The following TAF4B variants were observed in gnomAD, a reference collection of about 807,000 sequenced individuals.
TAF4B encodes the protein transcription initiation factor TFIID subunit 4B.
In TAF4B, 38 loss-of-function variants were observed where a neutral mutation model predicts 86.4. The observed-to-expected ratio is 0.44, with a 90% CI of 0.34 to 0.58. The LOEUF (loss-of-function observed/expected upper bound fraction) is 0.58, where lower values mean the gene tolerates loss of function less well. Among genes scored for constraint, TAF4B ranks in the 20% least tolerant of loss-of-function variants. The probability of loss-of-function intolerance (pLI) is 0.02; values close to 1 mark genes in which losing one functional copy is unlikely to be tolerated. For missense variants in TAF4B, 988 were observed against 1,027.6 expected (o/e 0.96, Z 0.53); for synonymous variants, 388 against 391.2 (o/e 0.99, Z 0.10).
At chr18:26,245,570 GCTGATTGGTGCATTTTACAGAGCA>G (rs1226372687) in intron 1 of TAF4B, among the ~76,000 whole-genome samples, 4 of 152,264 alleles carry the variant, frequency 2.6e-5, no homozygotes, top group East Asian at 3.9e-4. Flanking sequence ...TTAGGATCCT[GCTGATTGGTGCATTTTACAGAGCA>G]CTGATTGGTG....
At chr18:26,346,065 C>A (rs1232270157) in intron 13 of TAF4B, among the ~76,000 whole-genome samples, 1 of 152,094 alleles carries the variant, frequency 6.6e-6, no homozygotes, top group African/African-American at 2.4e-5. Context: ...AAGTTCTGGG[C>A]TCAAGCTATC....
intron 6 of TAF4B, among the ~76,000 whole-genome samples, 174 bp downstream of exon 6, chr18:26,282,234 G>A (rs2056459403): frequency 6.6e-6 from 1 of 152,028 alleles, no homozygotes; most frequent in African/African-American, 2.4e-5. Context: ...ATTTTAATTT[G>A]GACACTTTGA....
chr18:26,344,392 G>A (rs1456959681), intron 13 of TAF4B, among the ~76,000 whole-genome samples: 1 of 151,324 alleles, frequency 6.6e-6, no homozygotes, highest in East Asian at 1.9e-4. Flanking sequence ...AAAAAAACCT[G>A]TGGAGATCAG....
At position 26,369,392 on chromosome 18, in the gene TAF4B, C is replaced by T. The variant is rs58323340; in HGVS notation, c.2421+11598C>T. On this transcript the variant is annotated intron_variant, in intron 14 of 14. Transcript: ENST00000269142. ...AGTTAGAAGTTAAGACTCAGGACTG[C>T]TCCAAGAAAGTTACCTGTTTTTAAG... 1.9e-3 allele frequency among the ~76,000 whole-genome samples: 284 copies of T among 152,300 alleles called. 3 individuals carry two copies. In the East Asian group the frequency reaches 0.043, roughly 23 times the overall value.
intron 13 of TAF4B, among the ~76,000 whole-genome samples, chr18:26,345,718 C>G (rs773965721): frequency 3.9e-5 from 6 of 152,128 alleles, no homozygotes; most frequent in African/African-American, 1.4e-4. Context: ...GAAGAGGCGA[C>G]TTTTCTACCA....
At chr18:26,341,111 G>A (rs1191461199) in intron 13 of TAF4B, among the ~76,000 whole-genome samples, 1 of 151,532 alleles carries the variant, frequency 6.6e-6, no homozygotes, top group Admixed American at 6.6e-5. Flanking sequence ...AAAAAAAATA[G>A]CATTGAACTG....
chr18:26,338,697 T>C (rs1174450571), intron 13 of TAF4B, among the ~76,000 whole-genome samples: 2 of 151,826 alleles, frequency 1.3e-5, no homozygotes, highest in African/African-American at 2.4e-5. Context: ...AGGCTAGTTT[T>C]GAACTCCCGA....
At chr18:26,275,833 T>G (rs1219396075) in intron 5 of TAF4B, among the ~76,000 whole-genome samples, 2 of 151,850 alleles carry the variant, frequency 1.3e-5, no homozygotes, top group South Asian at 2.1e-4. Context: ...CTGGCCAACA[T>G]GGTGAAATCT....
chr18:26,387,660 G>T (rs1248983484), intron 14 of TAF4B, among the ~76,000 whole-genome samples: 1 of 152,152 alleles, frequency 6.6e-6, no homozygotes, highest in Non-Finnish European at 1.5e-5. Flanking sequence ...CAGAAGTGGC[G>T]AGAGACTGGC....
chr18:26,265,814 CA>C (rs1239920195), intron 2 of TAF4B, among the ~76,000 whole-genome samples: 1 of 152,176 alleles, frequency 6.6e-6, no homozygotes, highest in African/African-American at 2.4e-5. Flanking sequence ...CTTAGCCTCC[CA>C]AAGTGCTGGG....
Position 26,293,407 on chromosome 18 carries a change from TC to T in TAF4B, c.1727-18del, listed in dbSNP as rs765268013. 6 of 1,547,498 alleles carry T rather than the reference TC, an allele frequency of 3.9e-6. No homozygotes were observed. The highest frequency in any genetic ancestry group is 5.3e-6 in the Non-Finnish European group (6 of 1,137,430). On this transcript the variant is annotated intron_variant, in intron 8 of 14. Coordinates refer to ENST00000269142, the MANE Select transcript of TAF4B (RefSeq NM_005640.3). ...ATTGCTTTTTTTGTATTCTATTTTT[TC>T]TTGTTTTGTTTTTATAGCTTCCATT...
intron 1 of TAF4B, among the ~76,000 whole-genome samples, chr18:26,229,657 C>T (rs1372591703): frequency 1.3e-5 from 2 of 152,004 alleles, no homozygotes; most frequent in Non-Finnish European, 2.9e-5. Context: ...CACACGCCAC[C>T]ATGCTCGGCT....
At chr18:26,336,196 A>G (rs2057089706) in intron 13 of TAF4B, among the ~76,000 whole-genome samples, 2 of 152,216 alleles carry the variant, frequency 1.3e-5, no homozygotes, top group African/African-American at 2.4e-5. Flanking sequence ...TGGTTTCTAT[A>G]GTTACTTCAC....
intron 9 of TAF4B, among the ~76,000 whole-genome samples, chr18:26,305,692 CTATTTTGGTGTT>C (rs1190204621): frequency 6.6e-6 from 1 of 152,182 alleles, no homozygotes; most frequent in Non-Finnish European, 1.5e-5. Flanking sequence ...TTTGATATTA[CTATTTTGGTGTT>C]TTCGATTGTT....
intron 1 of TAF4B, among the ~76,000 whole-genome samples, chr18:26,251,689 T>C (rs2056008934): frequency 1.3e-5 from 2 of 152,204 alleles, no homozygotes; most frequent in South Asian, 2.1e-4. Context: ...CAGATACTTA[T>C]CAGGATTGGA....
Position 26,391,270 on chromosome 18 carries a change from CTG to C in TAF4B, c.*1260_*1261del, listed in dbSNP as rs1978693929. 1 of 149,756 alleles carries C rather than the reference CTG, an allele frequency of 6.7e-6. No homozygotes were observed. The highest frequency in any genetic ancestry group is 1.5e-5 in the Non-Finnish European group (1 of 67,682). The allele number at this position is 149,756 out of a possible 1,614,324, so 9.3% of individuals were successfully genotyped here. A position where few individuals can be genotyped will look rare whatever the true frequency, so the allele number is the denominator to read the frequency against. On this transcript the variant is annotated 3_prime_UTR_variant, in exon 15 of 15. Transcript: ENST00000269142. ...GAATACAGCCGGTGAAAAATAATCA[CTG>C]TAGTTAGAATCACATACAGAAAAAA...
In TAF4B at chr18:26,244,538, G is replaced by A. The variant is rs562342365; in HGVS notation, c.343+17262G>A. Among the ~76,000 whole-genome samples the A allele has an allele frequency of 9.9e-5, 15 of 152,274 alleles. 1 individual carries two copies. In the South Asian group the frequency reaches 3.1e-3, roughly 32 times the overall value. On this transcript the variant is annotated intron_variant, in intron 1 of 14. Transcript: ENST00000269142. ...CCTTGTGCTTCCTGGGTGAGGCGAT[G>A]CCCCCGCAGCTTTGGCTCACACTCC...
At chr18:26,346,791 A>ATGTGTGTG (rs1299586871) in intron 13 of TAF4B, among the ~76,000 whole-genome samples, 2 of 29,304 alleles carry the variant, frequency 6.8e-5, no homozygotes, top group African/African-American at 1.6e-4. Context: ...GTATATATAT[A>ATGTGTGTG]TATATATGTG....
intron 5 of TAF4B, among the ~76,000 whole-genome samples, chr18:26,276,929 T>C (rs2056391348): frequency 6.6e-6 from 1 of 152,142 alleles, no homozygotes; most frequent in Admixed American, 6.5e-5. Context: ...TTACCTCTAG[T>C]TTTAAGATCT....
Sources: gnomAD v4.1 joint callset for allele counts (sites outside exome capture counted in the v4.1 genomes callset) on GRCh38, gnomAD v4.1.1 for gene constraint, MANE v1.5 for transcripts, NCBI Gene and HGNC (gene_info 2026-07-23, HGNC 2026-07-21) for gene names.